The following AMPH variants were observed in gnomAD, a reference collection of about 807,000 sequenced individuals.
The protein encoded by AMPH is amphiphysin (Stiff-Mann syndrome with breast cancer 128kD autoantigen).
Under a neutral mutation model 99.1 loss-of-function variants are expected in AMPH, and 49 were observed. That is an observed-to-expected ratio of 0.49 (90% CI 0.39 to 0.63). The LOEUF (loss-of-function observed/expected upper bound fraction) is 0.63, where lower values mean the gene tolerates loss of function less well. Among genes scored for constraint, AMPH ranks in the 20% least tolerant of loss-of-function variants. AMPH has a pLI of 0.00. For missense variants in AMPH, 759 were observed against 863.4 expected, an observed-to-expected ratio of 0.88 and a Z score of 1.52; for synonymous variants, 314 against 317.3, an observed-to-expected ratio of 0.99 and a Z score of 0.11.
chr7:38,515,008 G>C (rs1242482535), intron 2 of AMPH, among the ~76,000 whole-genome samples: 2 of 152,266 alleles, frequency 1.3e-5, no homozygotes, highest in Admixed American at 1.3e-4. Flanking sequence ...CAGAAGAGGA[G>C]AGCTATAGGA....
At chr7:38,502,185 C>T (rs1039389358) in intron 3 of AMPH, among the ~76,000 whole-genome samples, 3 of 152,146 alleles carry the variant, frequency 2.0e-5, no homozygotes, top group Admixed American at 1.3e-4. Context: ...TACATACTTA[C>T]GACATCAAAT....
At chr7:38,554,775 C>T (rs982044862) in intron 1 of AMPH, among the ~76,000 whole-genome samples, 3 of 152,132 alleles carry the variant, frequency 2.0e-5, no homozygotes, top group African/African-American at 4.8e-5. Context: ...AGGCTTTAGC[C>T]CAGAGGGCAT....
chr7:38,534,179 G>A (rs1466641321), intron 2 of AMPH, among the ~76,000 whole-genome samples: 2 of 151,908 alleles, frequency 1.3e-5, no homozygotes, highest in African/African-American at 4.8e-5. Flanking sequence ...ACACTAAAAA[G>A]GTTTTCTTCA....
At chr7:38,628,229 A>T (rs956606695) in intron 1 of AMPH, among the ~76,000 whole-genome samples, 10 of 152,262 alleles carry the variant, frequency 6.6e-5, no homozygotes, top group Non-Finnish European at 1.3e-4. Context: ...ATTAATCATG[A>T]ACAAATTTTA....
intron 1 of AMPH, among the ~76,000 whole-genome samples, chr7:38,617,627 A>C (rs1276373705): frequency 6.6e-6 from 1 of 152,224 alleles, no homozygotes; most frequent in Non-Finnish European, 1.5e-5. Context: ...TCTGTCATCC[A>C]CTGATGACTT....
intron 1 of AMPH, among the ~76,000 whole-genome samples, chr7:38,606,150 G>A (rs560622375): frequency 1.3e-5 from 2 of 152,132 alleles, no homozygotes; most frequent in Non-Finnish European, 2.9e-5. Context: ...CCATGCTTTA[G>A]GTTTTGGGGT....
chr7:38,579,617 A>T (rs1468842689), intron 1 of AMPH, among the ~76,000 whole-genome samples: 5 of 152,254 alleles, frequency 3.3e-5, no homozygotes, highest in Admixed American at 6.5e-5. Flanking sequence ...TCAATATCCT[A>T]AGACTTAAGA....
chr7:38,519,423 T>C (rs1320688068), intron 2 of AMPH, among the ~76,000 whole-genome samples: 3 of 152,166 alleles, frequency 2.0e-5, no homozygotes, highest in Non-Finnish European at 4.4e-5. Flanking sequence ...AATTAATTGA[T>C]ATCAATTAAA....
chr7:38,391,433 G>C lies in AMPH; in HGVS notation c.1878+315C>G, dbSNP rs114028022. The stretch of plus-strand genomic sequence containing the variant: ...GAGCTCTTGGTGATTCCAAGGCCTG[G>C]TCTGAGCCAGGCTCCACAGATTCAC... On this transcript the variant is annotated intron_variant, in intron 19 of 20. Coordinates refer to ENST00000356264, the MANE Select transcript of AMPH (RefSeq NM_001635.4). Among the ~76,000 whole-genome samples the C allele has an allele frequency of 4.1e-3, 624 of 152,284 alleles. 5 individuals are homozygous for C. Among genetic ancestry groups the C allele is most frequent in the African/African-American group, 0.014 (593 of 41,544 alleles).
At chr7:38,426,193 T>C (rs1395336471) in intron 15 of AMPH, among the ~76,000 whole-genome samples, 1 of 152,208 alleles carries the variant, frequency 6.6e-6, no homozygotes, top group Non-Finnish European at 1.5e-5. Flanking sequence ...TCTGACATTC[T>C]GAGACAAAGC....
intron 12 of AMPH, among the ~76,000 whole-genome samples, chr7:38,433,724 C>CAAAAAAAAAAAAAA (rs570503359): frequency 3.4e-4 from 18 of 53,194 alleles, no homozygotes; most frequent in African/African-American, 1.2e-3. Context: ...GACTCCGTCT[C>CAAAAAAAAAAAAAA]AAAAAAAAAA....
intron 1 of AMPH, among the ~76,000 whole-genome samples, chr7:38,600,349 A>T (rs2129061246): frequency 6.6e-6 from 1 of 152,262 alleles, no homozygotes; most frequent in Admixed American, 6.5e-5. Flanking sequence ...TTACCCAGAA[A>T]TTCCAGATTA....
In AMPH at chr7:38,461,287, G is replaced by A. The variant is rs1223933526; in HGVS notation, c.1013C>T (p.Ser338Phe). The change falls in exon 11 of 21, where the codon TCC (serine) becomes TTC (phenylalanine). Residue 338 changes from serine to phenylalanine, a missense_variant. By Grantham distance (155) the Ser-to-Phe change is radical. Coordinates refer to ENST00000356264, the MANE Select transcript of AMPH (RefSeq NM_001635.4). ...FVPEISVTTP[S>F]QNEVPEVKKE... ...AGCCCTGAACCAGGCACTTACCTGG[G>A]AAGGTGTTGTCACACTGATTTCTGG... 3 of 1,613,762 alleles carry A rather than the reference G, an allele frequency of 1.9e-6. No homozygotes were observed. The highest frequency in any genetic ancestry group is 1.1e-5 in the South Asian group (1 of 91,076).
chr7:38,522,927 T>C (rs373942222), intron 2 of AMPH, among the ~76,000 whole-genome samples: 1 of 151,506 alleles, frequency 6.6e-6, no homozygotes, highest in Admixed American at 6.6e-5. Flanking sequence ...GCCAACATAG[T>C]GAAACCCCCA....
intron 1 of AMPH, among the ~76,000 whole-genome samples, chr7:38,608,185 C>T (rs915034225): frequency 4.6e-5 from 7 of 152,016 alleles, no homozygotes; most frequent in African/African-American, 1.4e-4. Flanking sequence ...TAAGAGCACC[C>T]GTGGGTGTTG....
chr7:38,445,640 C>T (rs760840618), intron 11 of AMPH, among the ~76,000 whole-genome samples: 1 of 152,140 alleles, frequency 6.6e-6, no homozygotes, highest in Non-Finnish European at 1.5e-5. Flanking sequence ...TAAATAAGTA[C>T]ATGAAAAAAT....
intron 5 of AMPH, among the ~76,000 whole-genome samples, chr7:38,485,316 A>G (rs987689564): frequency 2.0e-5 from 3 of 151,956 alleles, no homozygotes; most frequent in African/African-American, 7.2e-5. Context: ...ACCAGAAAAG[A>G]TTAGGGATGG....
At chr7:38,627,018 C>T (rs1794272246) in intron 1 of AMPH, among the ~76,000 whole-genome samples, 1 of 152,122 alleles carries the variant, frequency 6.6e-6, no homozygotes, top group South Asian at 2.1e-4. Context: ...TATTTTGCCA[C>T]CCAGTGTCCA....
chr7:38,577,227 T>C (rs1792278493), intron 1 of AMPH, among the ~76,000 whole-genome samples: 1 of 152,182 alleles, frequency 6.6e-6, no homozygotes, highest in South Asian at 2.1e-4. Flanking sequence ...GAGAAGCATG[T>C]GGACAAATGT....
Sources: allele counts gnomAD v4.1 joint callset (sites outside exome capture counted in the v4.1 genomes callset), GRCh38; gene constraint gnomAD v4.1.1; transcripts MANE v1.5; gene names NCBI Gene and HGNC (gene_info 2026-07-23, HGNC 2026-07-21).